Variants in DHRSX observed in about 807,000 individuals in gnomAD.
DHRSX encodes the protein polyprenol dehydrogenase.
Under a neutral mutation model 34.0 loss-of-function variants are expected in DHRSX, and 31 were observed. That is an observed-to-expected ratio of 0.91 (90% CI 0.69 to 1.23). The LOEUF (loss-of-function observed/expected upper bound fraction) is 1.23, where lower values mean the gene tolerates loss of function less well. Ranked by LOEUF, DHRSX falls within the 50% of genes most tolerant of loss-of-function variation. DHRSX has a pLI of 0.00. For synonymous variants in DHRSX, 201 were observed against 183.8 expected (o/e 1.09, Z -0.76); for missense variants, 414 against 428.1 (o/e 0.97, Z 0.29).
chrX:2,499,938 G>T (rs1334351255), intron 1 of DHRSX, among the ~76,000 whole-genome samples: 4 of 152,158 alleles, frequency 2.6e-5, no homozygotes, highest in South Asian at 4.1e-4. Flanking sequence ...AGCACTTTGG[G>T]AGGCTGAGGC....
At chrX:2,399,128 A>AAAATCAAACC (rs113075736) in intron 3 of DHRSX, among the ~76,000 whole-genome samples, 1 of 151,592 alleles carries the variant, frequency 6.6e-6, no homozygotes, top group African/African-American at 2.4e-5. Flanking sequence ...TTGGAAGGTT[A>AAAATCAAACC]TTACCACCCT....
At chrX:2,294,870 T>C (rs1197460312) in intron 3 of DHRSX, among the ~76,000 whole-genome samples, 1 of 150,616 alleles carries the variant, frequency 6.6e-6, no homozygotes, top group Non-Finnish European at 1.5e-5. Flanking sequence ...AGAAAGAGAA[T>C]GAAATGAGAG....
chrX:2,360,769 G>A lies in DHRSX; in HGVS notation c.286+47976C>T, dbSNP rs141483039. ...TGGAGTTGGTACCGAGACACGGCCC[G>A]ATGTGGGCAGATGCTTAGACAGGGA... On this transcript the variant is annotated intron_variant, in intron 3 of 6. Transcript: ENST00000334651. Among the ~76,000 whole-genome samples the A allele has an allele frequency of 2.3e-4, 35 of 152,068 alleles. No homozygotes were observed. The East Asian group carries it at 3.1e-3, about 13-fold the overall frequency.
intron 1 of DHRSX, 70 bp from the exon 2 acceptor site, chrX:2,425,374 C>T (rs1175629638): frequency 3.6e-6 from 5 of 1,380,696 alleles, no homozygotes; most frequent in African/African-American, 2.9e-5. Flanking sequence ...AAGAATTAAG[C>T]CTCCAGAGAG....
chrX:2,500,601 A>T (rs895063296), intron 1 of DHRSX: 15 of 201,598 alleles, frequency 7.4e-5, no homozygotes, highest in Admixed American at 3.0e-4. Flanking sequence ...AGGCGCGCAG[A>T]AGAGCCGGCG....
intron 3 of DHRSX, among the ~76,000 whole-genome samples, chrX:2,291,981 C>G (rs777856874): frequency 1.3e-5 from 2 of 148,684 alleles, no homozygotes; most frequent in Non-Finnish European, 3.0e-5. Flanking sequence ...CTCAGGTGAT[C>G]CGCCCGCCTC....
chrX:2,248,629 A>G (rs1395300009), intron 5 of DHRSX, among the ~76,000 whole-genome samples: 3 of 31,922 alleles, frequency 9.4e-5, no homozygotes, highest in African/African-American at 1.8e-4. Flanking sequence ...AAAAAAAAGA[A>G]AAAGAAAAGA....
At chrX:2,441,169 C>T (rs184890922) in intron 1 of DHRSX, among the ~76,000 whole-genome samples, 2 of 152,292 alleles carry the variant, frequency 1.3e-5, no homozygotes, top group East Asian at 3.9e-4. Flanking sequence ...AATTCTATCT[C>T]ATCACGTTCA....
At chrX:2,335,184 CAA>C (rs34503888) in intron 3 of DHRSX, among the ~76,000 whole-genome samples, 25 of 116,512 alleles carry the variant, frequency 2.1e-4, no homozygotes, top group South Asian at 1.4e-3. Flanking sequence ...GACTCCATCT[CAA>C]AAAAAAAAAA....
At chrX:2,254,470 T>C (rs1035410471) in intron 5 of DHRSX, among the ~76,000 whole-genome samples, 4 of 152,216 alleles carry the variant, frequency 2.6e-5, no homozygotes, top group Admixed American at 2.0e-4. Context: ...ATAAGTATTA[T>C]AACAATCCTT....
intron 1 of DHRSX, among the ~76,000 whole-genome samples, chrX:2,458,331 C>T (rs369557983): frequency 6.3e-4 from 96 of 152,262 alleles, no homozygotes; most frequent in African/African-American, 2.3e-3. Context: ...TCCCACCGCT[C>T]GGTGTGTACC....
intron 5 of DHRSX, among the ~76,000 whole-genome samples, chrX:2,259,321 G>T (rs2041324236): frequency 6.9e-6 from 1 of 145,704 alleles, no homozygotes; most frequent in East Asian, 2.0e-4. Flanking sequence ...TAGATATATA[G>T]ATAGATATAG....
chrX:2,382,585 T>C (rs867616721), intron 3 of DHRSX, among the ~76,000 whole-genome samples: 9 of 68,314 alleles, frequency 1.3e-4, no homozygotes, highest in African/African-American at 3.4e-4. Context: ...ACCATCACCA[T>C]CATCATCACC....
intron 4 of DHRSX, among the ~76,000 whole-genome samples, chrX:2,282,952 G>C (rs1325936545): frequency 1.3e-5 from 2 of 151,634 alleles, no homozygotes; most frequent in African/African-American, 2.4e-5. Context: ...TGAGGAGAGA[G>C]AGAGACAGAG....
At chrX:2,461,692 G>T (rs189167109) in intron 1 of DHRSX, among the ~76,000 whole-genome samples, 1 of 151,842 alleles carries the variant, frequency 6.6e-6, no homozygotes, top group South Asian at 2.1e-4. Flanking sequence ...CACACGCGTG[G>T]CACCATGTTT....
chrX:2,298,756 C>T (rs76608745), intron 3 of DHRSX, among the ~76,000 whole-genome samples: 105,763 of 151,236 alleles, frequency 0.7, 38,015 homozygotes, highest in Middle Eastern at 0.8. Context: ...GAGGCCGAGG[C>T]GGGCGGATCA....
At chrX:2,342,106 G>A (rs944344225) in intron 3 of DHRSX, among the ~76,000 whole-genome samples, 2 of 152,016 alleles carry the variant, frequency 1.3e-5, no homozygotes, top group African/African-American at 4.8e-5. Flanking sequence ...TCGCCCGGCC[G>A]ATTTAGAAGC....
chrX:2,461,392 T>A (rs1313800232), intron 1 of DHRSX, among the ~76,000 whole-genome samples: 1 of 152,192 alleles, frequency 6.6e-6, no homozygotes, highest in Non-Finnish European at 1.5e-5. Context: ...TCAGCAATGC[T>A]ACCAAAACAG....
intron 3 of DHRSX, among the ~76,000 whole-genome samples, chrX:2,384,783 A>G (rs2043250474): frequency 4.1e-5 from 5 of 121,332 alleles, no homozygotes; most frequent in African/African-American, 6.1e-5. Flanking sequence ...GAGGGGGGGG[A>G]TGGCATTGGG....
Sources: gnomAD v4.1 joint callset for allele counts (sites outside exome capture counted in the v4.1 genomes callset) on GRCh38, gnomAD v4.1.1 for gene constraint, MANE v1.5 for transcripts, NCBI Gene and HGNC (gene_info 2026-07-23, HGNC 2026-07-21) for gene names.